Variants in TYW1 observed in about 807,000 individuals in gnomAD.
The protein encoded by TYW1 is tRNA-yW synthesizing protein 1 homolog, also known as S-adenosyl-L-methionine-dependent tRNA 4-demethylwyosine synthase TYW1.
Under a neutral mutation model 96.2 loss-of-function variants are expected in TYW1, and 46 were observed. The ratio of observed to expected loss-of-function variants is 0.48; its 90% CI spans 0.38 to 0.61. TYW1 has a LOEUF of 0.61. Ranked by LOEUF, TYW1 falls within the 20% of genes least tolerant of loss-of-function variation. The pLI, the probability that TYW1 is intolerant of heterozygous loss-of-function variation, is 0.00. For synonymous variants in TYW1, 274 were observed against 323.0 expected (o/e 0.85, Z 1.63); for missense variants, 684 against 909.6 (o/e 0.75, Z 3.19).
chr7:67,162,934 T>G (rs192588460), intron 13 of TYW1, among the ~76,000 whole-genome samples: 26 of 152,326 alleles, frequency 1.7e-4, no homozygotes, highest in Admixed American at 4.6e-4. Flanking sequence ...AGAGTAGCCC[T>G]TAGGATTTTA....
chr7:67,051,547 C>A, intron 8 of TYW1, among the ~76,000 whole-genome samples: 1 of 152,146 alleles, frequency 6.6e-6, no homozygotes, highest in Middle Eastern at 3.4e-3. Context: ...TTATATCTAA[C>A]CCAATCAAAA....
chr7:67,189,371 CATGT>C (rs753267792), intron 14 of TYW1, among the ~76,000 whole-genome samples: 5 of 150,282 alleles, frequency 3.3e-5, no homozygotes, highest in Admixed American at 6.6e-5. Flanking sequence ...TGTATGTGTG[CATGT>C]ATGTGTGTTC....
intron 13 of TYW1, among the ~76,000 whole-genome samples, chr7:67,140,018 G>A (rs879061803): frequency 2.6e-5 from 4 of 151,374 alleles, no homozygotes; most frequent in African/African-American, 9.7e-5. Context: ...GAGAAGCCTC[G>A]CAATCATGAT....
Position 67,160,563 on chromosome 7 carries a change from CAT to C in TYW1, c.1699-22559_1699-22558del, listed in dbSNP as rs1328680421. On this transcript the variant is annotated intron_variant, in intron 13 of 15. Transcript: ENST00000359626. ...ACATATACATATACATATACATATA[CAT>C]ATACACACATTTATCTATATATTTT... 2.0e-3 allele frequency among the ~76,000 whole-genome samples: 236 copies of C among 117,304 alleles called. 1 individual carries two copies. Among genetic ancestry groups the C allele is most frequent in the Non-Finnish European group, 3.1e-3 (177 of 56,390 alleles). The allele number at this position is 117,304 out of a possible 152,430, so 77.0% of individuals were successfully genotyped here.
chr7:67,138,592 A>G (rs1043749461), intron 13 of TYW1, among the ~76,000 whole-genome samples: 8 of 151,830 alleles, frequency 5.3e-5, no homozygotes, highest in African/African-American at 1.9e-4. Flanking sequence ...TATTTTTTGT[A>G]CCCATTAACC....
intron 12 of TYW1, among the ~76,000 whole-genome samples, chr7:67,109,598 C>T (rs1223779519): frequency 6.6e-6 from 1 of 151,750 alleles, no homozygotes; most frequent in African/African-American, 2.4e-5. Flanking sequence ...ACCAGTAGCT[C>T]GGCTGGGAGC....
intron 10 of TYW1, 129 bp downstream of exon 10, chr7:67,067,532 T>G (rs531222296): frequency 9.1e-7 from 1 of 1,095,156 alleles, no homozygotes; most frequent in African/African-American, 1.6e-5. Flanking sequence ...ACTGTGAATG[T>G]TAGTGTATAA....
intron 12 of TYW1, among the ~76,000 whole-genome samples, chr7:67,102,896 G>A (rs374412189): frequency 1.3e-5 from 2 of 152,148 alleles, no homozygotes; most frequent in Non-Finnish European, 2.9e-5. Flanking sequence ...TAATCCGCCC[G>A]CCTTGGCCTC....
At chr7:67,207,239 TATC>T (rs1312098528) in intron 15 of TYW1, among the ~76,000 whole-genome samples, 1 of 152,216 alleles carries the variant, frequency 6.6e-6, no homozygotes, top group Non-Finnish European at 1.5e-5. Flanking sequence ...AACTGGTACA[TATC>T]AGATTCTCCG....
intron 9 of TYW1, among the ~76,000 whole-genome samples, chr7:67,062,566 CAA>C (rs56770876): frequency 4.5e-5 from 4 of 89,134 alleles, no homozygotes; most frequent in Non-Finnish European, 6.5e-5. Context: ...GACTCCGTCT[CAA>C]AAAAAAAAAA....
intron 13 of TYW1, among the ~76,000 whole-genome samples, chr7:67,159,408 C>T (rs1339535872): frequency 6.6e-6 from 1 of 152,308 alleles, no homozygotes; most frequent in East Asian, 1.9e-4. Context: ...CATTTTTGCA[C>T]ATTCTTACAT....
At chr7:67,083,990 T>TCTCCA (rs1433879283) in intron 11 of TYW1, among the ~76,000 whole-genome samples, 1 of 152,006 alleles carries the variant, frequency 6.6e-6, no homozygotes, top group Non-Finnish European at 1.5e-5. Flanking sequence ...AGCCAAGATC[T>TCTCCA]CTCCACTCCA....
At chr7:67,027,729 G>A (rs895620634) in intron 7 of TYW1, among the ~76,000 whole-genome samples, 4 of 152,068 alleles carry the variant, frequency 2.6e-5, no homozygotes, top group Non-Finnish European at 5.9e-5. Flanking sequence ...AGGTGATCGA[G>A]ACCATCCTGG....
At chr7:67,071,281 ATTC>A (rs1796020726) in intron 10 of TYW1, among the ~76,000 whole-genome samples, 2 of 150,700 alleles carry the variant, frequency 1.3e-5, no homozygotes, top group Admixed American at 6.6e-5. Context: ...TAAAGATTTT[ATTC>A]TTTGTTTTAT....
intron 11 of TYW1, among the ~76,000 whole-genome samples, chr7:67,096,426 T>C (rs1796917906): frequency 6.6e-6 from 1 of 151,876 alleles, no homozygotes. Context: ...AGATGTCCAA[T>C]AGGAGTAGGA....
At chr7:67,020,378 A>G (rs1362935271) in intron 6 of TYW1, among the ~76,000 whole-genome samples, 1 of 20,606 alleles carries the variant, frequency 4.9e-5, no homozygotes, top group Admixed American at 4.3e-4. Context: ...AGCTGAGACT[A>G]CAGACGCCCG....
intron 13 of TYW1, among the ~76,000 whole-genome samples, chr7:67,153,012 C>T (rs1325280182): frequency 1.3e-5 from 2 of 152,218 alleles, no homozygotes; most frequent in Non-Finnish European, 2.9e-5. Flanking sequence ...GTGTAGTTCT[C>T]CAGTCACATC....
intron 12 of TYW1, among the ~76,000 whole-genome samples, chr7:67,106,212 G>T (rs1476164135): frequency 6.6e-6 from 1 of 152,196 alleles, no homozygotes; most frequent in Non-Finnish European, 1.5e-5. Context: ...GAATATTCAT[G>T]TATGTTTCAT....
chr7:67,141,290 A>G (rs1386831208), intron 13 of TYW1, among the ~76,000 whole-genome samples: 1 of 152,210 alleles, frequency 6.6e-6, no homozygotes, highest in African/African-American at 2.4e-5. Context: ...TACAGACTGG[A>G]ATATTAAGCT....
Sources: gnomAD v4.1 joint callset for allele counts (sites outside exome capture counted in the v4.1 genomes callset) on GRCh38, gnomAD v4.1.1 for gene constraint, MANE v1.5 for transcripts, NCBI Gene and HGNC (gene_info 2026-07-23, HGNC 2026-07-21) for gene names.